The following MEF2C variants were observed in gnomAD, a reference collection of about 807,000 sequenced individuals.
MEF2C encodes the protein myocyte enhancer factor 2C.
Under a neutral mutation model 50.5 loss-of-function variants are expected in MEF2C, and 6 were observed. The ratio of observed to expected loss-of-function variants is 0.12; its 90% confidence interval spans 0.07 to 0.23. MEF2C has a LOEUF of 0.23. MEF2C is among the 10% of genes least tolerant of loss of function. MEF2C has a pLI of 1.00. For synonymous variants in MEF2C, 183 were observed against 228.0 expected (o/e 0.80, Z 1.78); for missense variants, 276 against 605.0 (o/e 0.46, Z 5.70).
At chr5:88,836,473 C>T (rs1258050271) in intron 1 of MEF2C, among the ~76,000 whole-genome samples, 2 of 152,122 alleles carry the variant, frequency 1.3e-5, no homozygotes, top group Non-Finnish European at 2.9e-5. Flanking sequence ...ATTTCATCAC[C>T]TTTCTTTATC....
At chr5:88,853,784 A>T (rs1228010472) in intron 1 of MEF2C, among the ~76,000 whole-genome samples, 2 of 152,254 alleles carry the variant, frequency 1.3e-5, no homozygotes, top group East Asian at 3.8e-4. Context: ...AGCGATCCAC[A>T]TGGTCAGATG....
At chr5:88,757,690 C>T (rs772271884) in intron 4 of MEF2C, among the ~76,000 whole-genome samples, 5 of 152,072 alleles carry the variant, frequency 3.3e-5, no homozygotes, top group Admixed American at 6.5e-5. Flanking sequence ...CCGAGACGGG[C>T]GGATCACTTG....
At chr5:88,859,082 T>C (rs1824559235) in intron 1 of MEF2C, among the ~76,000 whole-genome samples, 1 of 152,252 alleles carries the variant, frequency 6.6e-6, no homozygotes, top group Non-Finnish European at 1.5e-5. Flanking sequence ...ATAATTGTTA[T>C]TTGTATTACA....
chr5:88,746,797 T>C (rs1302116026), intron 6 of MEF2C: 2 of 585,574 alleles, frequency 3.4e-6, no homozygotes, highest in Non-Finnish European at 4.3e-6. Context: ...AGCTTGAGAC[T>C]AAGTGGCATC....
intron 3 of MEF2C, among the ~76,000 whole-genome samples, chr5:88,788,009 T>G (rs1296476614): frequency 2.6e-5 from 4 of 152,172 alleles, no homozygotes; most frequent in African/African-American, 7.2e-5. Flanking sequence ...TGATTCAACT[T>G]TCCTGGTTGG....
chr5:88,742,203 A>G, intron 6 of MEF2C: 2 of 985,106 alleles, frequency 2.0e-6, no homozygotes, highest in Non-Finnish European at 2.4e-6. Context: ...TCTGCTCTCT[A>G]CTGATGCACA....
intron 1 of MEF2C, among the ~76,000 whole-genome samples, chr5:88,860,917 G>A (rs1279231988): frequency 1.3e-5 from 2 of 152,040 alleles, no homozygotes; most frequent in Non-Finnish European, 2.9e-5. Context: ...TTCCAGCTTC[G>A]CCTACATCTT....
At chr5:88,746,080 A>G (rs781617984) in intron 6 of MEF2C, among the ~76,000 whole-genome samples, 1 of 152,216 alleles carries the variant, frequency 6.6e-6, no homozygotes, top group Non-Finnish European at 1.5e-5. Context: ...GAGAGTAGGA[A>G]TGGGCCTAGG....
chr5:88,796,847 G>T (rs765105889), intron 3 of MEF2C, among the ~76,000 whole-genome samples: 5 of 152,176 alleles, frequency 3.3e-5, no homozygotes, highest in Non-Finnish European at 7.3e-5. Flanking sequence ...TGGTTTCAAA[G>T]AACTTACTTA....
intron 2 of MEF2C, among the ~76,000 whole-genome samples, chr5:88,807,480 C>T (rs945447099): frequency 3.3e-5 from 5 of 152,138 alleles, no homozygotes; most frequent in African/African-American, 7.2e-5. Context: ...GCGATCCTCC[C>T]GCTTAAGCCT....
intron 3 of MEF2C, among the ~76,000 whole-genome samples, chr5:88,797,952 T>A (rs1796698102): frequency 6.6e-6 from 1 of 152,240 alleles, no homozygotes; most frequent in Non-Finnish European, 1.5e-5. Context: ...TTCTTTTCTT[T>A]AAGAATGTTG....
intron 3 of MEF2C, among the ~76,000 whole-genome samples, chr5:88,763,264 T>C (rs1324220331): frequency 6.6e-6 from 1 of 152,224 alleles, no homozygotes; most frequent in East Asian, 1.9e-4. Flanking sequence ...TGGGGCCACC[T>C]GTCCCCTTAT....
intron 2 of MEF2C, among the ~76,000 whole-genome samples, chr5:88,813,086 G>C (rs1405840172): frequency 2.0e-5 from 3 of 152,162 alleles, no homozygotes; most frequent in Non-Finnish European, 4.4e-5. Flanking sequence ...GGTTCTGACA[G>C]TAAATCAAAG....
At chr5:88,888,660 G>GGCCT (rs1330955544) in intron 1 of MEF2C, among the ~76,000 whole-genome samples, 4 of 151,406 alleles carry the variant, frequency 2.6e-5, no homozygotes, top group Non-Finnish European at 5.9e-5. Context: ...CATCTCCCAG[G>GGCCT]GCCTATTCAC....
At chr5:88,903,949 C>T (rs1034289530) in exon 1 of MEF2C, 2 of 151,918 alleles carry the variant, frequency 1.3e-5, no homozygotes, top group African/African-American at 2.4e-5. Context: ...AAGTTGTACC[C>T]GTCAGCACCT....
intron 1 of MEF2C, among the ~76,000 whole-genome samples, chr5:88,881,517 A>T (rs188219923): frequency 3.8e-4 from 58 of 152,326 alleles, no homozygotes; most frequent in Non-Finnish European, 2.9e-4. Flanking sequence ...TTTTAAAATT[A>T]AATAAGATGT....
At chr5:88,740,949 A>G (rs1561759622) in intron 6 of MEF2C, 1 of 985,316 alleles carries the variant, frequency 1.0e-6, no homozygotes, top group Non-Finnish European at 1.2e-6. Flanking sequence ...GACAGTATAA[A>G]TTAGAGAGAG....
chr5:88,874,076 T>G (rs942546084), intron 1 of MEF2C, among the ~76,000 whole-genome samples: 1 of 151,782 alleles, frequency 6.6e-6, no homozygotes, highest in African/African-American at 2.4e-5. Context: ...TGGATGAAAA[T>G]CCGGTACCTT....
intron 6 of MEF2C, chr5:88,737,957 G>A (rs1414677435): frequency 8.1e-6 from 8 of 985,224 alleles, no homozygotes; most frequent in Non-Finnish European, 9.6e-6. Context: ...GTGGAAAGGA[G>A]AGACAAAAGG....
Sources: allele counts gnomAD v4.1 joint callset (sites outside exome capture counted in the v4.1 genomes callset), GRCh38; gene constraint gnomAD v4.1.1; transcripts MANE v1.5; gene names NCBI Gene and HGNC (gene_info 2026-07-23, HGNC 2026-07-21).